The following DLGAP2 variants were observed in gnomAD, a reference collection of about 807,000 sequenced individuals.
DLGAP2 encodes the protein disks large-associated protein 2.
DLGAP2 carries 26 observed loss-of-function variants against 100.3 expected under a neutral mutation model. That is an observed-to-expected ratio of 0.26 (90% CI 0.19 to 0.36). The LOEUF is 0.36. DLGAP2 is among the 10% of genes least tolerant of loss of function. The pLI is 1.00. For synonymous variants in DLGAP2, 886 were observed against 630.1 expected, an observed-to-expected ratio of 1.41 and a Z score of -6.08; for missense variants, 1,858 against 1,453.2, an observed-to-expected ratio of 1.28 and a Z score of -4.53.
chr8:973,517 G>C (rs1215374644), intron 2 of DLGAP2, among the ~76,000 whole-genome samples: 1 of 152,158 alleles, frequency 6.6e-6, no homozygotes, highest in African/African-American at 2.4e-5. Flanking sequence ...CAGACGATGG[G>C]CGGCCGGGCA....
At chr8:739,208 C>T (rs1358712128) in intron 1 of DLGAP2, 2 of 152,276 alleles carry the variant, frequency 1.3e-5, no homozygotes, top group Admixed American at 6.5e-5. Context: ...TCCCGTCTTC[C>T]CGGACTCGAG....
At chr8:1,378,491 GCCTCACCTGTCTTTCCTGCGCACACCTGA>G (rs1796015456) in intron 3 of DLGAP2, among the ~76,000 whole-genome samples, 1 of 127,882 alleles carries the variant, frequency 7.8e-6, no homozygotes, top group Non-Finnish European at 1.6e-5. Flanking sequence ...CACACACCTG[GCCTCACCTGTCTTTCCTGCGCACACCTGA>G]CCTCACCTGT....
intron 2 of DLGAP2, among the ~76,000 whole-genome samples, chr8:1,139,495 C>G (rs369918597): frequency 1.3e-5 from 2 of 152,188 alleles, no homozygotes; most frequent in African/African-American, 4.8e-5. Flanking sequence ...GGGCCTCCCT[C>G]GGCGCTAATC....
intron 2 of DLGAP2, among the ~76,000 whole-genome samples, chr8:1,159,151 T>C (rs1796845009): frequency 6.6e-6 from 1 of 152,240 alleles, no homozygotes; most frequent in Non-Finnish European, 1.5e-5. Flanking sequence ...CTTGGAAAGA[T>C]GTCTGATAAA....
intron 2 of DLGAP2, among the ~76,000 whole-genome samples, chr8:1,170,201 A>G (rs1797099832): frequency 6.6e-6 from 1 of 152,142 alleles, no homozygotes; most frequent in Admixed American, 6.6e-5. Context: ...ATTTGCGTAT[A>G]TTGAACCAGC....
At chr8:1,491,360 C>T (rs1008539859) in intron 3 of DLGAP2, among the ~76,000 whole-genome samples, 2 of 152,096 alleles carry the variant, frequency 1.3e-5, no homozygotes, top group African/African-American at 4.8e-5. Flanking sequence ...GGGCCGCTCC[C>T]CCTGACCCCG....
At chr8:867,666 G>T (rs1257275590) in intron 1 of DLGAP2, among the ~76,000 whole-genome samples, 3 of 152,216 alleles carry the variant, frequency 2.0e-5, no homozygotes, top group Non-Finnish European at 4.4e-5. Context: ...GTAGCCTCAT[G>T]ATTTAATGTG....
At position 1,550,710 on chromosome 8, in the gene DLGAP2, G is replaced by C. The variant is rs142020321; in HGVS notation, c.1230+1027G>C. 2.9e-3 allele frequency among the ~76,000 whole-genome samples: 447 copies of C among 152,320 alleles called. 2 individuals are homozygous for C. Among genetic ancestry groups the C allele is most frequent in the African/African-American group, 1.0e-2 (415 of 41,568 alleles). The stretch of plus-strand genomic sequence containing the variant: ...AGATCCCTAGAGCTGGCATATTGCA[G>C]AATTCCCTGTTTTATGTGATTTCAC... On this transcript the variant is annotated intron_variant, in intron 5 of 14. Transcript: ENST00000637795.
At chr8:1,085,839 A>G (rs917998058) in intron 2 of DLGAP2, among the ~76,000 whole-genome samples, 4 of 152,200 alleles carry the variant, frequency 2.6e-5, no homozygotes, top group African/African-American at 9.7e-5. Context: ...CTTGTACTGA[A>G]TCTGCACATC....
chr8:1,150,578 T>G (rs997987269), intron 2 of DLGAP2, among the ~76,000 whole-genome samples: 3 of 152,224 alleles, frequency 2.0e-5, no homozygotes, highest in African/African-American at 7.2e-5. Flanking sequence ...CTCATTCCTA[T>G]GAATCTACTG....
intron 3 of DLGAP2, among the ~76,000 whole-genome samples, chr8:1,497,481 A>C (rs894914577): frequency 6.6e-6 from 1 of 152,166 alleles, no homozygotes; most frequent in South Asian, 2.1e-4. Flanking sequence ...CCATCTTTCC[A>C]ATGACTGGTG....
intron 10 of DLGAP2, among the ~76,000 whole-genome samples, chr8:1,673,457 T>C (rs1236587007): frequency 2.0e-5 from 3 of 152,242 alleles, no homozygotes; most frequent in African/African-American, 7.2e-5. Flanking sequence ...CCATGTCCCC[T>C]TCAGACTTTA....
intron 3 of DLGAP2, among the ~76,000 whole-genome samples, chr8:1,376,866 C>G (rs556224139): frequency 1.3e-5 from 2 of 152,132 alleles, no homozygotes; most frequent in Admixed American, 6.5e-5. Flanking sequence ...GAAATGTGCA[C>G]GGGTAGGAAA....
In DLGAP2 at chr8:1,188,421, G is replaced by T. The variant is rs375896534; in HGVS notation, c.74-70430G>T. ...TCCATGACATTTGCCTCACAGAATCGCGCACGCCCGGGACCTCCGTGACGT... is the reference window on the plus strand; with the variant it reads ...TCCATGACATTTGCCTCACAGAATCTCGCACGCCCGGGACCTCCGTGACGT... On this transcript the variant is annotated intron_variant, in intron 2 of 14. Coordinates refer to ENST00000637795, the MANE Select transcript of DLGAP2 (RefSeq NM_001346810.2). Among the ~76,000 whole-genome samples the T allele has an allele frequency of 2.2e-3, 103 of 46,092 alleles. 1 individual carries two copies. Among genetic ancestry groups the T allele is most frequent in the African/African-American group, 9.2e-3 (63 of 6,866 alleles). The allele number at this position is 46,092 out of a possible 152,430, so 30.2% of individuals were successfully genotyped here.
intron 2 of DLGAP2, among the ~76,000 whole-genome samples, chr8:1,038,512 G>A (rs1251182342): frequency 6.6e-6 from 1 of 152,186 alleles, no homozygotes; most frequent in African/African-American, 2.4e-5. Context: ...TGGCAGGAAG[G>A]AATAATTCTT....
intron 1 of DLGAP2, chr8:891,631 G>A (rs1279624921): frequency 6.6e-6 from 1 of 152,526 alleles, no homozygotes; most frequent in Non-Finnish European, 1.5e-5. Flanking sequence ...GGCTGGTTCT[G>A]GGAGTAGAGG....
intron 1 of DLGAP2, among the ~76,000 whole-genome samples, chr8:803,439 G>T (rs1436909368): frequency 6.6e-6 from 1 of 151,902 alleles, no homozygotes; most frequent in East Asian, 1.9e-4. Flanking sequence ...TGATTGAAAG[G>T]GAAAGGGATC....
At chr8:935,219 G>C in intron 2 of DLGAP2, among the ~76,000 whole-genome samples, 1 of 152,290 alleles carries the variant, frequency 6.6e-6, no homozygotes, top group East Asian at 1.9e-4. Context: ...TTCCTTCCCG[G>C]TGTGGGTCAA....
chr8:1,634,565 G>C (rs6985012), intron 8 of DLGAP2, among the ~76,000 whole-genome samples: 9,343 of 152,228 alleles, frequency 0.061, 927 homozygotes, highest in African/African-American at 0.21. Context: ...GTCCTGATGT[G>C]AACATTGAAC....
Sources: allele counts gnomAD v4.1 joint callset (sites outside exome capture counted in the v4.1 genomes callset), GRCh38; gene constraint gnomAD v4.1.1; transcripts MANE v1.5; gene names NCBI Gene and HGNC (gene_info 2026-07-23, HGNC 2026-07-21).